Variants in AP2A2 observed in about 807,000 individuals in gnomAD.
The protein encoded by AP2A2 is adaptor related protein complex 2 subunit alpha 2.
Under a neutral mutation model 104.2 loss-of-function variants are expected in AP2A2, and 32 were observed. The observed-to-expected ratio is 0.31, with a 90% CI of 0.23 to 0.41. The LOEUF (loss-of-function observed/expected upper bound fraction) is 0.41, where lower values mean the gene tolerates loss of function less well. Ranked by LOEUF, AP2A2 falls within the 10% of genes least tolerant of loss-of-function variation. The probability of loss-of-function intolerance (pLI) is 1.00; values close to 1 mark genes in which losing one functional copy is unlikely to be tolerated. For missense variants in AP2A2, 912 were observed against 1,261.0 expected, an observed-to-expected ratio of 0.72 and a Z score of 4.19; for synonymous variants, 539 against 533.3, an observed-to-expected ratio of 1.01 and a Z score of -0.15.
At chr11:966,679 C>G (rs1854628842) in intron 2 of AP2A2, among the ~76,000 whole-genome samples, 1 of 152,152 alleles carries the variant, frequency 6.6e-6, no homozygotes, top group Admixed American at 6.5e-5. Flanking sequence ...CACCCTGCCC[C>G]CGAGGGTGTG....
rs965168688 is a variant in AP2A2 at position 1,012,077 on chromosome 11, G to T, written c.*1452G>T. On this transcript the variant is annotated 3_prime_UTR_variant, in exon 22 of 22. Coordinates refer to ENST00000448903, the MANE Select transcript of AP2A2 (RefSeq NM_012305.4). ...CTGGGCAGTGCTCTGCCTGTGTGCTGCGCCTGCAGGCTGCGTGTGCTGCCG... is the reference window on the plus strand; with the variant it reads ...CTGGGCAGTGCTCTGCCTGTGTGCTTCGCCTGCAGGCTGCGTGTGCTGCCG... 1 of 153,292 alleles carries T rather than the reference G, an allele frequency of 6.5e-6. No homozygotes were observed. Among genetic ancestry groups the T allele is most frequent in the Non-Finnish European group, 1.5e-5 (1 of 68,862 alleles). 9.5% of individuals were successfully genotyped at this position (153,292 alleles called of 1,614,324 possible). A position where few individuals can be genotyped will look rare whatever the true frequency, so the allele number is the denominator to read the frequency against.
intron 1 of AP2A2, among the ~76,000 whole-genome samples, chr11:936,631 A>T (rs1362701233): frequency 1.3e-5 from 2 of 150,816 alleles, no homozygotes; most frequent in East Asian, 2.0e-4. Context: ...TGAGTGATCC[A>T]CCTGCTTCAG....
intron 1 of AP2A2, among the ~76,000 whole-genome samples, chr11:929,995 C>T (rs1343963695): frequency 6.6e-6 from 1 of 152,006 alleles, no homozygotes; most frequent in African/African-American, 2.4e-5. Flanking sequence ...GTGGCATGCA[C>T]CTGTAGTCCC....
At chr11:983,675 A>T (rs144048270) in intron 6 of AP2A2, among the ~76,000 whole-genome samples, 1 of 152,018 alleles carries the variant, frequency 6.6e-6, no homozygotes, top group African/African-American at 2.4e-5. Context: ...GAGCCACCGC[A>T]CCTGGCCTAG....
At chr11:949,356 A>G (rs1013279038) in intron 1 of AP2A2, among the ~76,000 whole-genome samples, 15 of 152,228 alleles carry the variant, frequency 9.9e-5, no homozygotes, top group African/African-American at 3.6e-4. Flanking sequence ...TAAGGCCAGT[A>G]TTATGCTGAT....
intron 1 of AP2A2, among the ~76,000 whole-genome samples, chr11:949,704 G>A (rs1032571780): frequency 1.3e-5 from 2 of 151,888 alleles, no homozygotes; most frequent in African/African-American, 4.8e-5. Context: ...GAACCCGGGA[G>A]GCGGTGTTGG....
At chr11:947,101 C>T (rs982782199) in intron 1 of AP2A2, 13 of 151,222 alleles carry the variant, frequency 8.6e-5, no homozygotes, top group African/African-American at 2.9e-4. Context: ...GCCCCCACCT[C>T]CCGGACTCAG....
At chr11:967,450 C>T (rs1041408790) in intron 2 of AP2A2, among the ~76,000 whole-genome samples, 1 of 152,050 alleles carries the variant, frequency 6.6e-6, no homozygotes, top group Non-Finnish European at 1.5e-5. Context: ...CAACCTCTGC[C>T]TCCCGGGTTC....
intron 14 of AP2A2, among the ~76,000 whole-genome samples, chr11:1,000,028 G>T (rs561110574): frequency 5.1e-4 from 78 of 151,630 alleles, no homozygotes; most frequent in African/African-American, 1.9e-3. Context: ...GGGTGGTCTC[G>T]ATCTCCTGAC....
At chr11:939,604 C>T (rs978850827) in intron 1 of AP2A2, among the ~76,000 whole-genome samples, 5 of 151,790 alleles carry the variant, frequency 3.3e-5, no homozygotes, top group South Asian at 2.1e-4. Flanking sequence ...GCCACACTCC[C>T]GGCTAATTTT....
intron 1 of AP2A2, among the ~76,000 whole-genome samples, chr11:956,175 A>AT (rs1384885239): frequency 6.6e-6 from 1 of 151,798 alleles, no homozygotes; most frequent in African/African-American, 2.4e-5. Flanking sequence ...ACTTGTCTCT[A>AT]TTTTTTCTTT....
chr11:992,427 T>C lies in AP2A2; in HGVS notation c.1270-76T>C. 6.9e-7 allele frequency: 1 copy of C among 1,458,438 alleles called. No homozygotes were observed. The highest frequency in any genetic ancestry group is 9.4e-7 in the Non-Finnish European group (1 of 1,064,512). 90.3% of individuals were successfully genotyped at this position (1,458,438 alleles called of 1,614,324 possible). Reference sequence around the variant, plus strand: ...TGAGGTGCTTCTGAAACTCTCACTTTGACTTTGGACGACAGTTTGGTCTTG... The same window carrying C: ...TGAGGTGCTTCTGAAACTCTCACTTCGACTTTGGACGACAGTTTGGTCTTG... On this transcript the variant is annotated intron_variant, in intron 10 of 21. Coordinates refer to ENST00000448903, the MANE Select transcript of AP2A2 (RefSeq NM_012305.4). This position sits in a 1 kb window ranked among gnomAD's most constrained non-coding sequence, Gnocchi z 6.4.
At chr11:929,511 G>A (rs1452124642) in intron 1 of AP2A2, among the ~76,000 whole-genome samples, 1 of 152,246 alleles carries the variant, frequency 6.6e-6, no homozygotes, top group Non-Finnish European at 1.5e-5. Flanking sequence ...GCTTGAAGGG[G>A]CGGATTTTGA....
intron 1 of AP2A2, among the ~76,000 whole-genome samples, chr11:928,906 A>G (rs1686003435): frequency 6.6e-6 from 1 of 151,912 alleles, no homozygotes. Context: ...GAGTGGCCCC[A>G]TCTCCCCCAC....
chr11:989,240 T>C (rs976616893), intron 10 of AP2A2, among the ~76,000 whole-genome samples: 7 of 151,798 alleles, frequency 4.6e-5, no homozygotes, highest in Non-Finnish European at 8.8e-5. Context: ...GGCAGGAGAA[T>C]CGCTTGAACC....
intron 16 of AP2A2, among the ~76,000 whole-genome samples, chr11:1,004,778 A>G (rs866921977): frequency 6.6e-6 from 1 of 152,242 alleles, no homozygotes; most frequent in Non-Finnish European, 1.5e-5. Flanking sequence ...CCTGTCGTTC[A>G]TTCATTCATT....
intron 6 of AP2A2, 60 bp from the exon 7 acceptor site, chr11:984,585 G>A: frequency 7.2e-7 from 1 of 1,394,832 alleles, no homozygotes; most frequent in Non-Finnish European, 1.0e-6. Flanking sequence ...CTTTTCTTTG[G>A]GTCCCCGCAG....
intron 14 of AP2A2, among the ~76,000 whole-genome samples, chr11:999,973 T>C (rs973285064): frequency 4.6e-5 from 7 of 151,800 alleles, no homozygotes; most frequent in Non-Finnish European, 8.8e-5. Context: ...CCGGCTAATT[T>C]TTTTTGTATT....
intron 4 of AP2A2, among the ~76,000 whole-genome samples, chr11:973,074 G>T (rs1854889833): frequency 1.3e-5 from 2 of 152,232 alleles, no homozygotes; most frequent in Non-Finnish European, 2.9e-5. Flanking sequence ...TGCGGAGTTG[G>T]GAAACTGACC....
Sources: gnomAD v4.1 joint callset for allele counts (sites outside exome capture counted in the v4.1 genomes callset) on GRCh38, gnomAD v4.1.1 for gene constraint, Gnocchi (gnomAD v3.1) non-coding constraint, MANE v1.5 for transcripts, NCBI Gene and HGNC (gene_info 2026-07-23, HGNC 2026-07-21) for gene names.